SIPA1L3: variants seen among roughly 807,000 people sequenced by gnomAD.
SIPA1L3 encodes signal-induced proliferation-associated 1-like protein 3.
A neutral mutation model predicts 150.1 loss-of-function variants in SIPA1L3; 59 were observed. The ratio of observed to expected loss-of-function variants is 0.39; its 90% confidence interval spans 0.32 to 0.49. The LOEUF is 0.49. Ranked by LOEUF, SIPA1L3 falls within the 20% of genes least tolerant of loss-of-function variation. SIPA1L3 has a pLI of 0.86. For synonymous variants in SIPA1L3, 1,070 were observed against 1,077.6 expected, an observed-to-expected ratio of 0.99 and a Z score of 0.14; for missense variants, 2,211 against 2,489.5, an observed-to-expected ratio of 0.89 and a Z score of 2.38.
chr19:38,088,770 G>T lies in SIPA1L3; in HGVS notation c.1584G>T (p.Val528=). ...ATGAGAAGCTGGGGCCAGTGGCTGT[G>T]AGCATTAAGCGGGAGAAGCTGGAAG... The part of the protein sequence containing the change: ...GVDEKLGPVA[V]SIKREKLEDH... Residue 528 remains valine, a synonymous_variant, in exon 4 of 22, where the codon GTG becomes GTT. Transcript: ENST00000222345. 6.2e-7 allele frequency: 1 copy of T among 1,614,132 alleles called. No individual in the cohort carries two copies. The highest frequency in any genetic ancestry group is 8.5e-7 in the Non-Finnish European group (1 of 1,180,016).
intron 1 of SIPA1L3, among the ~76,000 whole-genome samples, chr19:37,958,003 C>G (rs2046826158): frequency 6.6e-6 from 1 of 152,156 alleles, no homozygotes; most frequent in Admixed American, 6.5e-5. Flanking sequence ...CATGAGCCAC[C>G]ATATCTGGCC....
chr19:37,910,974 A>G (rs1316513479), intron 1 of SIPA1L3, among the ~76,000 whole-genome samples: 10 of 152,076 alleles, frequency 6.6e-5, no homozygotes, highest in Non-Finnish European at 1.5e-4. Flanking sequence ...GGTTGAATTT[A>G]GCTTAAAAAA....
intron 2 of SIPA1L3, among the ~76,000 whole-genome samples, chr19:38,072,945 A>C (rs1568533220): frequency 6.6e-6 from 1 of 152,108 alleles, no homozygotes; most frequent in Admixed American, 6.5e-5. Context: ...GAGCATTTAC[A>C]CCCACAGATA....
At chr19:37,959,484 A>T (rs2046838469) in intron 1 of SIPA1L3, among the ~76,000 whole-genome samples, 1 of 152,258 alleles carries the variant, frequency 6.6e-6, no homozygotes, top group South Asian at 2.1e-4. Context: ...CTACAGAGAC[A>T]GAAAATAGAT....
At chr19:38,002,602 G>A (rs370437143) in intron 1 of SIPA1L3, among the ~76,000 whole-genome samples, 1 of 150,914 alleles carries the variant, frequency 6.6e-6, no homozygotes, top group African/African-American at 2.4e-5. Context: ...GAGTGGTGGC[G>A]TGCGCCTGTA....
At chr19:37,983,738 T>G (rs948891695) in intron 1 of SIPA1L3, among the ~76,000 whole-genome samples, 1 of 151,878 alleles carries the variant, frequency 6.6e-6, no homozygotes, top group Admixed American at 6.6e-5. Flanking sequence ...AAACCCCGTC[T>G]GTACAAAAAA....
chr19:38,176,419 G>A (rs1242124453), intron 15 of SIPA1L3, among the ~76,000 whole-genome samples: 2 of 150,300 alleles, frequency 1.3e-5, no homozygotes, highest in Non-Finnish European at 3.0e-5. Context: ...TTTTTTTTGA[G>A]TGATGGGGAC....
At chr19:37,991,086 G>T (rs2145635306) in intron 1 of SIPA1L3, among the ~76,000 whole-genome samples, 1 of 152,194 alleles carries the variant, frequency 6.6e-6, no homozygotes, top group East Asian at 1.9e-4. Context: ...TACAAAATCA[G>T]CAGGGCGTAG....
In SIPA1L3 at chr19:37,981,444, T is replaced by C. The variant is rs550371688; in HGVS notation, c.-378-47645T>C. ...TCTCAAAAAAAAAAAAAAAAAAGAG[T>C]TTTGGTTTGATCACCTGAGTTCTAA... On this transcript the variant is annotated intron_variant, in intron 1 of 21. Coordinates refer to ENST00000222345, the MANE Select transcript of SIPA1L3 (RefSeq NM_015073.3). 7.4e-4 allele frequency among the ~76,000 whole-genome samples: 110 copies of C among 148,372 alleles called. 2 individuals are homozygous for C. Among genetic ancestry groups the C allele is most frequent in the Non-Finnish European group, 9.0e-5 (6 of 67,034 alleles).
intron 1 of SIPA1L3, among the ~76,000 whole-genome samples, chr19:37,973,159 C>T (rs1383395018): frequency 6.6e-6 from 1 of 151,486 alleles, no homozygotes; most frequent in Non-Finnish European, 1.5e-5. Flanking sequence ...GGTCAGAACA[C>T]GTGTTCTTCT....
At chr19:38,135,012 C>A (rs1408766200) in intron 10 of SIPA1L3, among the ~76,000 whole-genome samples, 1 of 152,190 alleles carries the variant, frequency 6.6e-6, no homozygotes, top group African/African-American at 2.4e-5. Context: ...GGTGTGATCT[C>A]TGCTTTGTAG....
At chr19:38,100,787 C>G (rs1970484324) in intron 5 of SIPA1L3, among the ~76,000 whole-genome samples, 1 of 152,236 alleles carries the variant, frequency 6.6e-6, no homozygotes, top group Non-Finnish European at 1.5e-5. Context: ...GCAAGTGTGG[C>G]ATCACCAGCC....
chr19:38,158,287 T>TG (rs1039366380), intron 13 of SIPA1L3, among the ~76,000 whole-genome samples: 23 of 152,194 alleles, frequency 1.5e-4, no homozygotes, highest in Admixed American at 1.4e-3. Context: ...TTACAGGGTT[T>TG]GGGGGGCATC....
chr19:38,129,861 G>A (rs1425703755), intron 9 of SIPA1L3, among the ~76,000 whole-genome samples: 1 of 152,114 alleles, frequency 6.6e-6, no homozygotes, highest in Non-Finnish European at 1.5e-5. Context: ...GAGGTCAGGA[G>A]TTCAAGACTA....
intron 1 of SIPA1L3, among the ~76,000 whole-genome samples, chr19:37,984,431 G>T (rs1299377503): frequency 6.6e-6 from 1 of 152,046 alleles, no homozygotes; most frequent in Non-Finnish European, 1.5e-5. Context: ...GCATCTCAAT[G>T]CTGAAAGCTC....
At chr19:37,988,727 A>G (rs1030397566) in intron 1 of SIPA1L3, among the ~76,000 whole-genome samples, 2 of 152,186 alleles carry the variant, frequency 1.3e-5, no homozygotes, top group Admixed American at 1.3e-4. Context: ...GAGGAAAGTC[A>G]GTGTCTTTTG....
chr19:38,151,916 T>G (rs1052698093), intron 12 of SIPA1L3, among the ~76,000 whole-genome samples: 4 of 143,936 alleles, frequency 2.8e-5, no homozygotes, highest in African/African-American at 1.0e-4. Context: ...GAGCTGAGAT[T>G]GTGCCACTGC....
At chr19:38,092,197 C>T (rs1970275379) in intron 4 of SIPA1L3, among the ~76,000 whole-genome samples, 1 of 151,918 alleles carries the variant, frequency 6.6e-6, no homozygotes, top group South Asian at 2.1e-4. Flanking sequence ...GCCTAGGCAC[C>T]ATAGTGATAC....
chr19:37,968,434 C>T (rs1348833065), intron 1 of SIPA1L3, among the ~76,000 whole-genome samples: 1 of 152,188 alleles, frequency 6.6e-6, no homozygotes, highest in Admixed American at 6.5e-5. Flanking sequence ...TTCTTGCCTC[C>T]TCTATTCCAT....
Sources: gnomAD v4.1 joint callset for allele counts (sites outside exome capture counted in the v4.1 genomes callset) on GRCh38, gnomAD v4.1.1 for gene constraint, MANE v1.5 for transcripts, NCBI Gene and HGNC (gene_info 2026-07-23, HGNC 2026-07-21) for gene names.